Variants in POLR3G observed in about 807,000 individuals in gnomAD.
The protein encoded by POLR3G is DNA-directed RNA polymerase III subunit RPC7.
Under a neutral mutation model 30.1 loss-of-function variants are expected in POLR3G, and 28 were observed. The observed-to-expected ratio is 0.93, with a 90% confidence interval of 0.69 to 1.27. The LOEUF (loss-of-function observed/expected upper bound fraction) is 1.27. POLR3G is among the 50% of genes most tolerant of loss of function. The pLI is 0.00. For missense variants in POLR3G, 254 were observed against 264.6 expected, an observed-to-expected ratio of 0.96 and a Z score of 0.28; for synonymous variants, 79 against 82.5, an observed-to-expected ratio of 0.96 and a Z score of 0.23.
intron 7 of POLR3G, 148 bp downstream of exon 7, chr5:90,506,822 A>G: frequency 1.5e-6 from 2 of 1,307,398 alleles, no homozygotes; most frequent in Non-Finnish European, 1.0e-6. Context: ...ATTCCTTGCT[A>G]TCAAGAGAAC....
rs1752302847 is a variant in POLR3G at position 90,502,648 on chromosome 5, CT to C, written c.438+666del. Reference sequence around the variant, plus strand: ...AACCAATGTTACTAGTTTCTTATGTCTTTTTTCAGAAGTATTTCATACATAG... The same window carrying C: ...AACCAATGTTACTAGTTTCTTATGTCTTTTTCAGAAGTATTTCATACATAG... On this transcript the variant is annotated intron_variant, in intron 6 of 7. Coordinates refer to ENST00000651687, the MANE Select transcript of POLR3G (RefSeq NM_006467.3). Among the ~76,000 whole-genome samples the C allele has an allele frequency of 2.0e-5, 3 of 151,970 alleles. No individual in the cohort carries two copies. In the South Asian group the frequency reaches 6.2e-4, roughly 32 times the overall value.
Position 90,506,630 on chromosome 5 carries a change from G to A in POLR3G, c.541G>A (p.Asp181Asn). ...SKEGDDDDDD[D>N]AAEQEEYDEE... ...AGAAGGTGATGATGACGATGACGATGATGCCGCAGAACAGGAGGAATATGA... is the reference window on the plus strand; with the variant it reads ...AGAAGGTGATGATGACGATGACGATAATGCCGCAGAACAGGAGGAATATGA... The change falls in exon 7 of 8, where the codon GAT becomes AAT. Residue 181 changes from aspartate (D) to asparagine (N), a missense_variant. By Grantham distance (23) the Asp-to-Asn change is conservative (BLOSUM62 1). Transcript: ENST00000651687. 1 of 1,613,714 alleles carries A rather than the reference G, an allele frequency of 6.2e-7. No individual in the cohort carries two copies. The highest frequency in any genetic ancestry group is 8.5e-7 in the Non-Finnish European group (1 of 1,179,798).
At chr5:90,477,982 G>A (rs996767999) in intron 1 of POLR3G, among the ~76,000 whole-genome samples, 1 of 152,210 alleles carries the variant, frequency 6.6e-6, no homozygotes, top group Non-Finnish European at 1.5e-5. Flanking sequence ...GCCCTATGGA[G>A]AGGATATTTC....
At chr5:90,498,438 T>G (rs952028756) in intron 5 of POLR3G, among the ~76,000 whole-genome samples, 1 of 152,086 alleles carries the variant, frequency 6.6e-6, no homozygotes, top group Admixed American at 6.6e-5. Flanking sequence ...CCTCCCGACT[T>G]TAGTAGTTCA....
chr5:90,506,427 G>T, intron 6 of POLR3G, 101 bp from the exon 7 acceptor site: 2 of 1,411,270 alleles, frequency 1.4e-6, no homozygotes, highest in Non-Finnish European at 1.9e-6. Flanking sequence ...TGGTAAGATG[G>T]GAGTAGAATA....
intron 5 of POLR3G, 114 bp from the exon 6 acceptor site, chr5:90,501,792 A>C: frequency 8.8e-7 from 1 of 1,135,354 alleles, no homozygotes; most frequent in East Asian, 2.7e-5. Context: ...TCTGAAAACT[A>C]TGTGACTGCC....
chr5:90,505,708 A>G lies in POLR3G; in HGVS notation c.439-820A>G, dbSNP rs1293421555. ...CAAGAATTCCTGGCAACAGGAAGTA[A>G]ATAATGAGAGAGAAAAAAGATAAAG... is the stretch of plus-strand genomic sequence containing the variant. On this transcript the variant is annotated intron_variant, in intron 6 of 7. Transcript: ENST00000651687. Among the ~76,000 whole-genome samples, 13 of 152,342 alleles carry G rather than the reference A, an allele frequency of 8.5e-5. No individual in the cohort carries two copies. The East Asian group carries it at 2.5e-3, about 29-fold the overall frequency.
At position 90,513,764 on chromosome 5, in the gene POLR3G, T is replaced by A. The variant is rs1452899167; in HGVS notation, c.*1625T>A. The A allele has an allele frequency of 1.3e-5, 2 of 152,184 alleles. No homozygotes were observed. The highest frequency in any genetic ancestry group is 2.9e-5 in the Non-Finnish European group (2 of 68,016). The allele number at this position is 152,184 out of a possible 1,614,324, so 9.4% of individuals were successfully genotyped here. On this transcript the variant is annotated 3_prime_UTR_variant, in exon 8 of 8. Coordinates refer to ENST00000651687, the MANE Select transcript of POLR3G (RefSeq NM_006467.3). Reference sequence around the variant, plus strand: ...TGAATTACTTCTTGTTTAAAGGAAGTTGTCAAAAAATTTTAAGATTCTAAA... The same window carrying A: ...TGAATTACTTCTTGTTTAAAGGAAGATGTCAAAAAATTTTAAGATTCTAAA...
At chr5:90,474,254 G>A, upstream of POLR3G, 2 of 1,613,608 alleles carry the variant, frequency 1.2e-6, no homozygotes, top group Non-Finnish European at 1.7e-6. Flanking sequence ...AGATACCATC[G>A]CCTAGAGACT....
chr5:90,505,189 A>G (rs27658), intron 6 of POLR3G, among the ~76,000 whole-genome samples: 41,331 of 152,116 alleles, frequency 0.27, 6,973 homozygotes, highest in African/African-American at 0.48. Context: ...CTTTCTCTCT[A>G]TATGTAATCT....
chr5:90,503,556 G>A (rs755922470), intron 6 of POLR3G, among the ~76,000 whole-genome samples: 7 of 152,154 alleles, frequency 4.6e-5, no homozygotes, highest in African/African-American at 7.2e-5. Flanking sequence ...GGGTTTCTCC[G>A]TGTAACAAAC....
chr5:90,478,702 G>A (rs944009720), intron 1 of POLR3G, among the ~76,000 whole-genome samples: 23 of 150,776 alleles, frequency 1.5e-4, no homozygotes, highest in African/African-American at 2.4e-4. Context: ...GACTACAGGC[G>A]CGTGCCACCA....
Position 90,514,000 on chromosome 5 carries a change from T to TA in POLR3G, c.*1864dup, listed in dbSNP as rs1237801467. On this transcript the variant is annotated 3_prime_UTR_variant, in exon 8 of 8. Transcript: ENST00000651687. ...TTGAACCAGGCAAATACACTGAAGA[T>TA]AAAGGTTATTTCTTTTTTTAGCTTT... 1 of 152,150 alleles carries TA rather than the reference T, an allele frequency of 6.6e-6. No individual in the cohort carries two copies. Among genetic ancestry groups the TA allele is most frequent in the Non-Finnish European group, 1.5e-5 (1 of 68,036 alleles). The allele number at this position is 152,150 out of a possible 1,614,324, so 9.4% of individuals were successfully genotyped here.
chr5:90,474,331 G>A (rs1406946176), upstream of POLR3G: 1 of 1,578,940 alleles, frequency 6.3e-7, no homozygotes, highest in Non-Finnish European at 8.7e-7. Flanking sequence ...GAGTGTGGGC[G>A]TGCGAGTCTC....
At chr5:90,479,073 A>C (rs1201769272) in intron 1 of POLR3G, among the ~76,000 whole-genome samples, 1 of 152,158 alleles carries the variant, frequency 6.6e-6, no homozygotes, top group African/African-American at 2.4e-5. Context: ...TGCTCATCAA[A>C]TCACAGTGCA....
chr5:90,487,378 A>ATTTTTTTTTT (rs59951999), intron 2 of POLR3G, among the ~76,000 whole-genome samples: 30 of 57,032 alleles, frequency 5.3e-4, no homozygotes, highest in African/African-American at 1.7e-3. Flanking sequence ...TGGTACATTA[A>ATTTTTTTTTT]TTTTTTTTTT....
upstream of POLR3G, chr5:90,474,416 C>G: frequency 1.1e-6 from 1 of 872,680 alleles, no homozygotes; most frequent in Admixed American, 2.5e-5. Flanking sequence ...AGGCGTAGAG[C>G]GAGGCGGGGG....
chr5:90,491,889 A>G (rs769932112), intron 3 of POLR3G, among the ~76,000 whole-genome samples: 1 of 152,216 alleles, frequency 6.6e-6, no homozygotes, highest in Admixed American at 6.5e-5. Flanking sequence ...TTATGTCATC[A>G]TATAGTTTTC....
intron 3 of POLR3G, among the ~76,000 whole-genome samples, chr5:90,488,741 T>C (rs191440998): frequency 2.7e-3 from 411 of 152,320 alleles, no homozygotes; most frequent in African/African-American, 9.5e-3. Flanking sequence ...GTTAAAAAAA[T>C]TTTTGAGACT....
Sources: gnomAD v4.1 joint callset for allele counts (sites outside exome capture counted in the v4.1 genomes callset) on GRCh38, gnomAD v4.1.1 for gene constraint, MANE v1.5 for transcripts, NCBI Gene and HGNC (gene_info 2026-07-23, HGNC 2026-07-21) for gene names.